Variants in PARD3B observed in about 807,000 individuals in gnomAD.
PARD3B encodes partitioning defective 3 homolog B.
PARD3B carries 103 observed loss-of-function variants against 130.2 expected under a neutral mutation model. That is an observed-to-expected ratio of 0.79 (90% confidence interval 0.67 to 0.93). PARD3B has a LOEUF of 0.93. PARD3B is among the 40% of genes least tolerant of loss of function. PARD3B has a pLI of 0.00. For synonymous variants in PARD3B, 583 were observed against 553.2 expected (o/e 1.05, Z -0.76); for missense variants, 1,609 against 1,499.2 (o/e 1.07, Z -1.21).
At chr2:205,139,221 A>T (rs2032744745) in intron 10 of PARD3B, among the ~76,000 whole-genome samples, 1 of 152,134 alleles carries the variant, frequency 6.6e-6, no homozygotes, top group African/African-American at 2.4e-5. Flanking sequence ...GCAGGCACCA[A>T]GTTTACAGAC....
At chr2:205,226,144 C>A (rs2038530287) in intron 15 of PARD3B, among the ~76,000 whole-genome samples, 1 of 152,220 alleles carries the variant, frequency 6.6e-6, no homozygotes, top group African/African-American at 2.4e-5. Flanking sequence ...CGGGTTCACA[C>A]CATTCTCCTG....
chr2:204,849,764 T>G (rs1045517066), intron 2 of PARD3B, among the ~76,000 whole-genome samples: 1 of 152,226 alleles, frequency 6.6e-6, no homozygotes, highest in African/African-American at 2.4e-5. Context: ...TGTTAGTGTA[T>G]TCTTACTCAT....
At chr2:204,787,931 C>CGG (rs1305022862) in intron 2 of PARD3B, among the ~76,000 whole-genome samples, 1 of 152,148 alleles carries the variant, frequency 6.6e-6, no homozygotes, top group Non-Finnish European at 1.5e-5. Context: ...TCCTACCAGA[C>CGG]GGAGCTCCTG....
chr2:204,636,921 T>A (rs2034900235), intron 1 of PARD3B, among the ~76,000 whole-genome samples: 1 of 152,144 alleles, frequency 6.6e-6, no homozygotes, highest in Admixed American at 6.5e-5. Flanking sequence ...TATATAGACT[T>A]ATGGCGCTCA....
chr2:205,135,857 A>G (rs1354047344), intron 10 of PARD3B, among the ~76,000 whole-genome samples: 4 of 152,182 alleles, frequency 2.6e-5, no homozygotes, highest in African/African-American at 7.2e-5. Flanking sequence ...ATGTTCAAGT[A>G]CACATCACAT....
At chr2:204,549,281 T>A (rs2030263938) in intron 1 of PARD3B, among the ~76,000 whole-genome samples, 1 of 152,204 alleles carries the variant, frequency 6.6e-6, no homozygotes, top group African/African-American at 2.4e-5. Flanking sequence ...GGATTGCTTA[T>A]CTCCGAATCC....
At chr2:204,918,910 C>T (rs2047556765) in intron 2 of PARD3B, among the ~76,000 whole-genome samples, 1 of 151,444 alleles carries the variant, frequency 6.6e-6, no homozygotes, top group Non-Finnish European at 1.5e-5. Context: ...CCTTGTGAAT[C>T]ACCATCCTTG....
intron 18 of PARD3B, among the ~76,000 whole-genome samples, chr2:205,375,605 A>G (rs2045012330): frequency 6.6e-6 from 1 of 152,178 alleles, no homozygotes; most frequent in South Asian, 2.1e-4. Context: ...ACTTTTGGAA[A>G]ATCCCAGAGA....
At chr2:204,718,103 G>A (rs1329276301) in intron 2 of PARD3B, among the ~76,000 whole-genome samples, 1 of 152,094 alleles carries the variant, frequency 6.6e-6, no homozygotes, top group African/African-American at 2.4e-5. Context: ...AATGAAAGCA[G>A]GAAGGGAAAA....
intron 15 of PARD3B, among the ~76,000 whole-genome samples, chr2:205,232,019 C>T (rs2038861687): frequency 1.3e-5 from 2 of 152,202 alleles, no homozygotes; most frequent in African/African-American, 4.8e-5. Flanking sequence ...ATAAGGTATG[C>T]AAGAGGCCAT....
At chr2:205,008,723 G>A (rs1053038181) in intron 3 of PARD3B, among the ~76,000 whole-genome samples, 1 of 152,158 alleles carries the variant, frequency 6.6e-6, no homozygotes, top group East Asian at 1.9e-4. Flanking sequence ...AGACTTGACA[G>A]GATAGATGTT....
rs1291514300 is a variant in PARD3B at position 204,602,708 on chromosome 2, G to A, written c.120+56589G>A. On this transcript the variant is annotated intron_variant, in intron 1 of 22. Transcript: ENST00000406610. Reference sequence around the variant, plus strand: ...CTGTGTTGATTGTTGGTGGGGGTGGGTGAGATACAAATATAACGTACAGAC... The same window carrying A: ...CTGTGTTGATTGTTGGTGGGGGTGGATGAGATACAAATATAACGTACAGAC... 2.0e-5 allele frequency among the ~76,000 whole-genome samples: 3 copies of A among 151,554 alleles called. No individual in the cohort carries two copies. In the South Asian group the frequency reaches 6.2e-4, roughly 31 times the overall value.
intron 10 of PARD3B, among the ~76,000 whole-genome samples, chr2:205,135,063 G>T (rs942970328): frequency 3.3e-5 from 5 of 152,144 alleles, no homozygotes; most frequent in Admixed American, 6.5e-5. Flanking sequence ...TATTAGTGGC[G>T]ACTGTGGCTA....
At chr2:205,214,968 C>G (rs1295495558) in intron 15 of PARD3B, among the ~76,000 whole-genome samples, 6 of 152,064 alleles carry the variant, frequency 3.9e-5, no homozygotes, top group African/African-American at 1.4e-4. Context: ...AAAGGCGGCT[C>G]AGTCTAATTG....
chr2:204,882,291 T>C (rs991336049), intron 2 of PARD3B, among the ~76,000 whole-genome samples: 1 of 152,240 alleles, frequency 6.6e-6, no homozygotes, highest in African/African-American at 2.4e-5. Flanking sequence ...TTGAGGCCTA[T>C]TGCATGCAGA....
chr2:205,354,488 A>T (rs1191841013), intron 18 of PARD3B, among the ~76,000 whole-genome samples: 54 of 114,228 alleles, frequency 4.7e-4, no homozygotes, highest in African/African-American at 1.4e-3. Flanking sequence ...TAAAAAATTA[A>T]AAAAAATCTT....
chr2:205,267,925 C>T (rs532978557), intron 16 of PARD3B, among the ~76,000 whole-genome samples: 2 of 152,212 alleles, frequency 1.3e-5, no homozygotes, highest in South Asian at 4.1e-4. Flanking sequence ...AATCTCTAAA[C>T]CAGAGGAAGG....
intron 2 of PARD3B, among the ~76,000 whole-genome samples, chr2:204,795,399 G>A (rs1488104646): frequency 6.6e-6 from 1 of 152,160 alleles, no homozygotes; most frequent in Non-Finnish European, 1.5e-5. Flanking sequence ...GGTTTGCCAA[G>A]GGTGGACTTC....
chr2:204,573,320 G>A (rs572328751), intron 1 of PARD3B, among the ~76,000 whole-genome samples: 2 of 152,320 alleles, frequency 1.3e-5, no homozygotes, highest in African/African-American at 2.4e-5. Context: ...AGTGGTGATG[G>A]TGATGATAAT....
Sources: gnomAD v4.1 joint callset for allele counts (sites outside exome capture counted in the v4.1 genomes callset) on GRCh38, gnomAD v4.1.1 for gene constraint, MANE v1.5 for transcripts, NCBI Gene and HGNC (gene_info 2026-07-23, HGNC 2026-07-21) for gene names.